SORT1: variants seen among roughly 807,000 people sequenced by gnomAD.
The protein encoded by SORT1 is sortilin 1.
A neutral mutation model predicts 101.7 loss-of-function variants in SORT1; 39 were observed. The ratio of observed to expected loss-of-function variants is 0.38; its 90% CI spans 0.30 to 0.50. SORT1 has a LOEUF of 0.50. SORT1 is among the 20% of genes least tolerant of loss of function. SORT1 has a pLI of 0.90. For missense variants in SORT1, 878 were observed against 1,040.4 expected, an observed-to-expected ratio of 0.84 and a Z score of 2.15; for synonymous variants, 396 against 393.7, an observed-to-expected ratio of 1.01 and a Z score of -0.07.
chr1:109,363,947 G>A (rs1650910519), intron 3 of SORT1, among the ~76,000 whole-genome samples: 1 of 152,198 alleles, frequency 6.6e-6, no homozygotes, highest in Admixed American at 6.5e-5. Context: ...TTTAAGCCAG[G>A]CCAGCCCAGT....
At chr1:109,369,118 CA>C (rs1198470641) in intron 2 of SORT1, among the ~76,000 whole-genome samples, 5 of 152,058 alleles carry the variant, frequency 3.3e-5, no homozygotes, top group Admixed American at 2.0e-4. Context: ...GTCAGGCGTT[CA>C]AGACCAGCCT....
intron 8 of SORT1, 147 bp from the exon 9 acceptor site, chr1:109,342,305 C>T (rs1649281473): frequency 1.2e-5 from 8 of 652,126 alleles, no homozygotes; most frequent in Middle Eastern, 8.5e-4. Context: ...GTACCAATTA[C>T]CAAAGCAATT....
intron 11 of SORT1, among the ~76,000 whole-genome samples, chr1:109,330,319 T>G (rs567543089): frequency 6.4e-4 from 98 of 152,236 alleles, no homozygotes; most frequent in African/African-American, 2.2e-3. Flanking sequence ...TACAACATTA[T>G]GAAACTAGAA....
intron 2 of SORT1, among the ~76,000 whole-genome samples, chr1:109,369,270 T>C (rs892794969): frequency 6.6e-6 from 1 of 152,136 alleles, no homozygotes; most frequent in Non-Finnish European, 1.5e-5. Flanking sequence ...TGCAGTGAGC[T>C]GAGATCATGC....
chr1:109,359,674 A>G, intron 3 of SORT1, among the ~76,000 whole-genome samples: 1 of 151,848 alleles, frequency 6.6e-6, no homozygotes, highest in South Asian at 2.1e-4. Context: ...TAATTTTTGT[A>G]TTTTTAGTAG....
At chr1:109,347,714 G>A (rs895245347) in intron 6 of SORT1, among the ~76,000 whole-genome samples, 182 bp from the exon 7 acceptor site, 6 of 152,118 alleles carry the variant, frequency 3.9e-5, no homozygotes, top group South Asian at 2.1e-4. Context: ...CCCACTGCCC[G>A]GCCCATGTGT....
Position 109,326,742 on chromosome 1 carries a change from C to T in SORT1, c.1643+250G>A, listed in dbSNP as rs1648105831. ...AAATGCTGGGATTACAGGCATGAGCCACTGCGCCCAACCCAGAAAGAATGT... is the reference window on the plus strand; with the variant it reads ...AAATGCTGGGATTACAGGCATGAGCTACTGCGCCCAACCCAGAAAGAATGT... On this transcript the variant is annotated intron_variant, in intron 13 of 19. Transcript: ENST00000256637. 1.0e-5 allele frequency: 3 copies of T among 294,716 alleles called. No individual in the cohort carries two copies. In the East Asian group the frequency reaches 1.9e-4, roughly 19 times the overall value. 18.3% of individuals were successfully genotyped at this position (294,716 alleles called of 1,614,324 possible). A position where few individuals can be genotyped will look rare whatever the true frequency, so the allele number is the denominator to read the frequency against.
chr1:109,340,827 G>A lies in SORT1; in HGVS notation c.1161C>T (p.Ser387=), dbSNP rs1454781041. 6.2e-7 allele frequency: 1 copy of A among 1,613,662 alleles called. No individual in the cohort carries two copies. The highest frequency in any genetic ancestry group is 1.3e-5 in the African/African-American group (1 of 74,818). The change falls in exon 10 of 20, where the codon TCC becomes TCT. Residue 387 remains serine (S), a synonymous_variant. Transcript: ENST00000256637. ...FTSDDRGIVY[S]KSLDRHLYTT... is the part of the protein sequence containing the mutation. ...TGTAGAGATGTCGGTCCAAAGACTTGGAATAGACAATGCCTCGATCATCTG... is the reference window on the plus strand; with the variant it reads ...TGTAGAGATGTCGGTCCAAAGACTTAGAATAGACAATGCCTCGATCATCTG...
intron 3 of SORT1, among the ~76,000 whole-genome samples, chr1:109,358,442 T>A (rs549120846): frequency 6.6e-6 from 1 of 152,164 alleles, no homozygotes; most frequent in African/African-American, 2.4e-5. Context: ...GAAGAGGAAA[T>A]TGATGAAGCA....
At chr1:109,328,481 T>G (rs968413279) in intron 11 of SORT1, among the ~76,000 whole-genome samples, 2 of 152,236 alleles carry the variant, frequency 1.3e-5, no homozygotes, top group African/African-American at 4.8e-5. Context: ...TGATTAGTGA[T>G]GCTGAGCCTC....
intron 1 of SORT1, among the ~76,000 whole-genome samples, chr1:109,378,063 C>T (rs1316870724): frequency 6.6e-6 from 1 of 151,898 alleles, no homozygotes; most frequent in East Asian, 1.9e-4. Context: ...AGACCCCGCC[C>T]CCATCGCTAC....
chr1:109,384,463 T>C (rs531021343), intron 1 of SORT1, among the ~76,000 whole-genome samples: 2 of 152,206 alleles, frequency 1.3e-5, no homozygotes, highest in Non-Finnish European at 2.9e-5. Context: ...GGGAATATCA[T>C]TTCTGCAGCA....
chr1:109,351,001 T>C lies in SORT1; in HGVS notation c.710A>G (p.Asn237Ser). The C allele has an allele frequency of 2.5e-6, 4 of 1,597,820 alleles. No homozygotes were observed. The highest frequency in any genetic ancestry group is 3.4e-6 in the Non-Finnish European group (4 of 1,164,930). Residue 237 changes from asparagine (N) to serine (S), a missense_variant and splice_region_variant, in exon 6 of 20, where the codon AAT (asparagine) becomes AGT (serine). Around this residue, in one of 2 missense-constraint regions of SORT1, gnomAD observed 684 missense variants for 894.5 expected, o/e 0.76. Coordinates refer to ENST00000256637, the MANE Select transcript of SORT1 (RefSeq NM_002959.7). The stretch of plus-strand genomic sequence containing the variant: ...AAAATTCTTGGACACCCACAGGCCA[T>C]TCTGAAAGATTATAAATGACTTATC... ...SDYLLALSTE[N>S]GLWVSKNFGG...
intron 6 of SORT1, among the ~76,000 whole-genome samples, chr1:109,348,184 G>A (rs1332094167): frequency 3.9e-5 from 6 of 152,076 alleles, no homozygotes; most frequent in South Asian, 2.1e-4. Context: ...CAACTAGGTC[G>A]GAGGTTGAAT....
rs377170268 is a variant in SORT1 at position 109,314,245 on chromosome 1, G to A, written c.2481+16C>T. On this transcript the variant is annotated intron_variant, in intron 19 of 19. Coordinates refer to ENST00000256637, the MANE Select transcript of SORT1 (RefSeq NM_002959.7). The stretch of plus-strand genomic sequence containing the variant: ...TGGGGGGGGGGGTACTACCATTCAA[G>A]AAGAAATAGCCTCACCTCATCTGAG... The A allele has an allele frequency of 1.1e-4, 177 of 1,601,254 alleles. No individual in the cohort carries two copies. Among genetic ancestry groups the A allele is most frequent in the Non-Finnish European group, 1.4e-4 (167 of 1,171,148 alleles).
intron 11 of SORT1, among the ~76,000 whole-genome samples, chr1:109,328,105 C>T (rs997132884): frequency 6.6e-6 from 1 of 152,074 alleles, no homozygotes; most frequent in Non-Finnish European, 1.5e-5. Context: ...GTATCTGTAT[C>T]CACACACACC....
intron 6 of SORT1, among the ~76,000 whole-genome samples, chr1:109,350,479 G>T (rs1485986481): frequency 6.6e-6 from 1 of 152,168 alleles, no homozygotes; most frequent in Non-Finnish European, 1.5e-5. Context: ...GTTGTGGTGC[G>T]CAATGTGACT....
At chr1:109,375,935 TCA>T (rs141576944) in intron 1 of SORT1, among the ~76,000 whole-genome samples, 2 of 151,408 alleles carry the variant, frequency 1.3e-5, no homozygotes, top group Non-Finnish European at 2.9e-5. Context: ...TACTAAAACA[TCA>T]CACACACACA....
chr1:109,367,598 C>T, intron 2 of SORT1, 117 bp from the exon 3 acceptor site: 1 of 623,552 alleles, frequency 1.6e-6, no homozygotes, highest in Non-Finnish European at 2.8e-6. Context: ...TTGTAGTACT[C>T]CCCAAAGTCT....
Sources: gnomAD v4.1 joint callset for allele counts (sites outside exome capture counted in the v4.1 genomes callset) on GRCh38, gnomAD v4.1.1 for gene constraint, gnomAD v4.1.1 regional missense constraint, MANE v1.5 for transcripts, NCBI Gene and HGNC (gene_info 2026-07-23, HGNC 2026-07-21) for gene names.